KLRG1: variants seen among roughly 807,000 people sequenced by gnomAD.
KLRG1 encodes the protein killer cell lectin-like receptor subfamily G member 1.
KLRG1 carries 16 observed loss-of-function variants against 21.8 expected under a neutral mutation model. That is an observed-to-expected ratio of 0.73 (90% CI 0.50 to 1.11). The LOEUF (loss-of-function observed/expected upper bound fraction) is 1.11. Ranked by LOEUF, KLRG1 falls within the 50% of genes most tolerant of loss-of-function variation. The pLI is 0.00. For missense variants in KLRG1, 173 were observed against 218.3 expected (o/e 0.79, Z 1.31); for synonymous variants, 69 against 75.9 (o/e 0.91, Z 0.47).
chr12:9,180,785 A>G, the KLRG1 span, among the ~76,000 whole-genome samples: 73 of 152,352 alleles, frequency 4.8e-4, no homozygotes, highest in Admixed American at 3.7e-3. Context: ...GCAACAAAAG[A>G]CAAAATTGAC....
At chr12:9,116,671 C>A in the KLRG1 span, among the ~76,000 whole-genome samples, 1 of 152,120 alleles carries the variant, frequency 6.6e-6, no homozygotes, top group Non-Finnish European at 1.5e-5. Flanking sequence ...TCCATCCATC[C>A]ACCCATGCAT....
At chr12:9,103,286 A>G in the KLRG1 span, among the ~76,000 whole-genome samples, 3 of 152,198 alleles carry the variant, frequency 2.0e-5, no homozygotes, top group African/African-American at 7.2e-5. Context: ...TAGTATTGCA[A>G]TCATTTTACA....
At chr12:9,086,598 A>G in the KLRG1 span, among the ~76,000 whole-genome samples, 2 of 152,252 alleles carry the variant, frequency 1.3e-5, no homozygotes, top group African/African-American at 4.8e-5. Context: ...ATGCTCTTTT[A>G]TGATAAAACT....
At chr12:9,181,102 G>A in the KLRG1 span, 2 of 1,614,006 alleles carry the variant, frequency 1.2e-6, no homozygotes, top group Non-Finnish European at 8.5e-7. Context: ...GAGGCTGGGG[G>A]ACTTTGTGCT....
At chr12:9,076,477 T>TA in the KLRG1 span, among the ~76,000 whole-genome samples, 1 of 152,226 alleles carries the variant, frequency 6.6e-6, no homozygotes, top group Non-Finnish European at 1.5e-5. Flanking sequence ...GTCCCTGACT[T>TA]ACAATGGTCC....
At chr12:9,032,620 T>C in the KLRG1 span, among the ~76,000 whole-genome samples, 1 of 152,190 alleles carries the variant, frequency 6.6e-6, no homozygotes, top group Admixed American at 6.5e-5. Context: ...TCTGCTAAAA[T>C]GTAGGCAAAG....
At chr12:9,171,199 T>C in the KLRG1 span, among the ~76,000 whole-genome samples, 1 of 152,150 alleles carries the variant, frequency 6.6e-6, no homozygotes, top group African/African-American at 2.4e-5. Flanking sequence ...TACTTCCACG[T>C]ACGGGAGAAA....
At chr12:9,063,210 C>T in the KLRG1 span, among the ~76,000 whole-genome samples, 1 of 152,102 alleles carries the variant, frequency 6.6e-6, no homozygotes, top group Non-Finnish European at 1.5e-5. Flanking sequence ...TAAATTTAAA[C>T]CCCTTTTATT....
chr12:9,000,982 T>C (rs969934870), intron 3 of KLRG1, among the ~76,000 whole-genome samples: 1 of 152,256 alleles, frequency 6.6e-6, no homozygotes, highest in Non-Finnish European at 1.5e-5. Flanking sequence ...ATTTGTAACC[T>C]GTCAGATTTT....
the KLRG1 span, chr12:9,201,008 C>G: frequency 6.2e-7 from 1 of 1,614,104 alleles, no homozygotes; most frequent in African/African-American, 1.3e-5. Context: ...CTGATTGATG[C>G]CAGCTTCTAG....
chr12:9,113,728 A>G, the KLRG1 span, among the ~76,000 whole-genome samples: 1 of 152,224 alleles, frequency 6.6e-6, no homozygotes, highest in Non-Finnish European at 1.5e-5. Flanking sequence ...CTCACATGCC[A>G]TGGCAGTGAA....
intron 2 of KLRG1, among the ~76,000 whole-genome samples, chr12:8,992,543 A>G (rs761277297): frequency 6.6e-6 from 1 of 151,502 alleles, no homozygotes; most frequent in East Asian, 1.9e-4. Flanking sequence ...GCTGTAGGTG[A>G]TAGATTTGTG....
At chr12:9,092,110 G>A in the KLRG1 span, among the ~76,000 whole-genome samples, 1 of 152,178 alleles carries the variant, frequency 6.6e-6, no homozygotes, top group East Asian at 1.9e-4. Flanking sequence ...AGCCTGCACT[G>A]GGAAGCAGAA....
At chr12:8,973,432 C>T (rs1946605024) in intron 1 of KLRG1, among the ~76,000 whole-genome samples, 1 of 152,054 alleles carries the variant, frequency 6.6e-6, no homozygotes, top group South Asian at 2.1e-4. Context: ...ACCAGGTAGT[C>T]GCCTTTTGCC....
chr12:9,171,371 A>G, the KLRG1 span, among the ~76,000 whole-genome samples: 3 of 152,350 alleles, frequency 2.0e-5, no homozygotes, highest in South Asian at 6.2e-4. Context: ...AGCCTCAAGG[A>G]TTAAAGGTAG....
At chr12:9,110,042 G>C in the KLRG1 span, 1 of 1,599,708 alleles carries the variant, frequency 6.3e-7, no homozygotes, top group Non-Finnish European at 8.5e-7. Context: ...GATCCTATAT[G>C]AGTAAATTAA....
At chr12:8,966,323 C>G (rs1458786620) in intron 1 of KLRG1, among the ~76,000 whole-genome samples, 1 of 151,952 alleles carries the variant, frequency 6.6e-6, no homozygotes, top group Non-Finnish European at 1.5e-5. Flanking sequence ...GCAACAAAAG[C>G]CAAAATTGAC....
At chr12:9,197,254 G>A in the KLRG1 span, 1 of 598,010 alleles carries the variant, frequency 1.7e-6, no homozygotes, top group African/African-American at 2.0e-5. Flanking sequence ...CAAGTAGAAA[G>A]CTGTCTGGAA....
At chr12:9,116,061 A>T in the KLRG1 span, 1 of 563,320 alleles carries the variant, frequency 1.8e-6, no homozygotes, top group Admixed American at 2.4e-5. Context: ...GTCAAGGTTA[A>T]TTCCTGGCGG....
Sources: gnomAD v4.1 joint callset for allele counts (sites outside exome capture counted in the v4.1 genomes callset) on GRCh38, gnomAD v4.1.1 for gene constraint, MANE v1.5 for transcripts, NCBI Gene and HGNC (gene_info 2026-07-23, HGNC 2026-07-21) for gene names.